Variants in BMAL1 observed in about 807,000 individuals in gnomAD.
BMAL1 encodes basic helix-loop-helix ARNT like 1, also known as basic helix-loop-helix ARNT-like protein 1.
chr11:13,308,095 A>G, the BMAL1 span, among the ~76,000 whole-genome samples: 1 of 152,198 alleles, frequency 6.6e-6, no homozygotes, highest in Non-Finnish European at 1.5e-5. Context: ...AAATGGTCAC[A>G]TTCTGAATAC....
At chr11:13,344,751 C>T in the BMAL1 span, among the ~76,000 whole-genome samples, 2 of 152,284 alleles carry the variant, frequency 1.3e-5, no homozygotes, top group Admixed American at 1.3e-4. Context: ...CACCTCTGCT[C>T]AGAGGCACCA....
At chr11:13,307,351 G>T in the BMAL1 span, among the ~76,000 whole-genome samples, 6 of 152,326 alleles carry the variant, frequency 3.9e-5, no homozygotes, top group East Asian at 1.2e-3. Context: ...CGGGTTCGTA[G>T]GCCACTGCTT....
At chr11:13,379,293 G>A in the BMAL1 span, 1 of 152,328 alleles carries the variant, frequency 6.6e-6, no homozygotes, top group African/African-American at 2.4e-5. Context: ...AGATTCTTCA[G>A]AACGAAACTT....
At chr11:13,351,975 A>G in the BMAL1 span, among the ~76,000 whole-genome samples, 1 of 152,154 alleles carries the variant, frequency 6.6e-6, no homozygotes, top group African/African-American at 2.4e-5. Context: ...GAGTTACATA[A>G]CTCTTGTTTT....
At chr11:13,378,105 G>T in the BMAL1 span, among the ~76,000 whole-genome samples, 18 of 152,158 alleles carry the variant, frequency 1.2e-4, no homozygotes, top group Non-Finnish European at 2.2e-4. Context: ...TGAAGGGAAA[G>T]AATTAGATGC....
the BMAL1 span, among the ~76,000 whole-genome samples, chr11:13,284,212 GTA>G: frequency 0.021 from 283 of 13,256 alleles, 24 homozygotes; most frequent in African/African-American, 0.039. Context: ...ATATATATGT[GTA>G]TATATATATA....
At chr11:13,290,559 A>ATGTTATTGTTATTAT in the BMAL1 span, among the ~76,000 whole-genome samples, 181 of 149,062 alleles carry the variant, frequency 1.2e-3, 1 homozygote, top group African/African-American at 4.3e-3. Context: ...ACAAGTGTAT[A>ATGTTATTGTTATTAT]TATTATTATT....
the BMAL1 span, among the ~76,000 whole-genome samples, chr11:13,384,297 A>G: frequency 6.6e-6 from 1 of 152,222 alleles, no homozygotes; most frequent in Non-Finnish European, 1.5e-5. Context: ...GGGAGTATTA[A>G]TAATAGTGAT....
At chr11:13,346,750 C>T in the BMAL1 span, among the ~76,000 whole-genome samples, 2 of 152,170 alleles carry the variant, frequency 1.3e-5, no homozygotes, top group Non-Finnish European at 2.9e-5. Flanking sequence ...TCCATCTCAC[C>T]TTTGGGACTC....
the BMAL1 span, among the ~76,000 whole-genome samples, chr11:13,321,766 C>T: frequency 6.6e-6 from 1 of 152,094 alleles, no homozygotes; most frequent in African/African-American, 2.4e-5. Flanking sequence ...TACTTGTAAG[C>T]AGGTAGATTA....
the BMAL1 span, among the ~76,000 whole-genome samples, chr11:13,365,834 A>G: frequency 6.6e-6 from 1 of 152,202 alleles, no homozygotes; most frequent in Non-Finnish European, 1.5e-5. Context: ...TATTGCTGCA[A>G]AATAAATATC....
the BMAL1 span, among the ~76,000 whole-genome samples, chr11:13,381,994 T>G: frequency 3.8e-4 from 58 of 152,138 alleles, no homozygotes; most frequent in Non-Finnish European, 6.9e-4. Flanking sequence ...AGAGAGAGAA[T>G]ATCAGGAATT....
the BMAL1 span, among the ~76,000 whole-genome samples, chr11:13,293,084 G>A: frequency 7.9e-5 from 12 of 152,206 alleles, no homozygotes; most frequent in African/African-American, 2.9e-4. Flanking sequence ...GCTGTTGTCA[G>A]TAGAGTTGGG....
chr11:13,346,515 G>A, the BMAL1 span, among the ~76,000 whole-genome samples: 13 of 152,256 alleles, frequency 8.5e-5, no homozygotes, highest in Middle Eastern at 3.4e-3. Context: ...TCCTTTGGAC[G>A]CCTTCTAGTG....
chr11:13,375,846 A>G, the BMAL1 span: 2 of 1,332,886 alleles, frequency 1.5e-6, no homozygotes, highest in African/African-American at 3.0e-5. Context: ...GGTGCAGGCA[A>G]CATCCAGTAT....
chr11:13,356,847 G>A, the BMAL1 span: 2 of 1,611,178 alleles, frequency 1.2e-6, no homozygotes, highest in Non-Finnish European at 8.5e-7. Flanking sequence ...TACACATTCT[G>A]TTACTTGGGG....
chr11:13,386,821 CTG>C, the BMAL1 span: 27 of 1,562,626 alleles, frequency 1.7e-5, no homozygotes, highest in East Asian at 3.4e-4. Flanking sequence ...GTTTTACAGT[CTG>C]TGAAGCTTAC....
At chr11:13,369,467 C>A in the BMAL1 span, 1 of 840,520 alleles carries the variant, frequency 1.2e-6, no homozygotes, top group Non-Finnish European at 1.9e-6. Context: ...CATGCTGCAT[C>A]TGTTAAAGCC....
At chr11:13,293,850 C>G in the BMAL1 span, among the ~76,000 whole-genome samples, 2 of 152,212 alleles carry the variant, frequency 1.3e-5, no homozygotes, top group African/African-American at 2.4e-5. Flanking sequence ...ATGATTTGGT[C>G]CATGGGCAGG....
Sources: gnomAD v4.1 joint callset for allele counts (sites outside exome capture counted in the v4.1 genomes callset) on GRCh38, gnomAD v4.1.1 for gene constraint, MANE v1.5 for transcripts, NCBI Gene and HGNC (gene_info 2026-07-23, HGNC 2026-07-21) for gene names.